The following AFG2A variants were observed in gnomAD, a reference collection of about 807,000 sequenced individuals.
AFG2A encodes the protein AAA ATPase AFG2A.
chr4:122,959,571 T>A, the AFG2A span, among the ~76,000 whole-genome samples: 3 of 152,372 alleles, frequency 2.0e-5, no homozygotes, highest in Admixed American at 6.5e-5. Context: ...TCTGTACTTT[T>A]TAACAAAAGT....
chr4:123,055,981 G>C, the AFG2A span, among the ~76,000 whole-genome samples: 510 of 152,308 alleles, frequency 3.3e-3, 3 homozygotes, highest in Middle Eastern at 0.014. Context: ...TTAAAGTTCA[G>C]AAATATTAAT....
the AFG2A span, among the ~76,000 whole-genome samples, chr4:123,056,132 C>T: frequency 1.3e-5 from 2 of 152,290 alleles, no homozygotes; most frequent in African/African-American, 2.4e-5. Flanking sequence ...GAGTTATAGA[C>T]AGATGATGAA....
the AFG2A span, among the ~76,000 whole-genome samples, chr4:123,051,669 A>T: frequency 9.1e-4 from 62 of 68,352 alleles, no homozygotes; most frequent in African/African-American, 3.3e-3. Flanking sequence ...TTGGCCTGGG[A>T]AAGTCTTTAT....
chr4:123,010,430 A>C, the AFG2A span, among the ~76,000 whole-genome samples: 1 of 152,146 alleles, frequency 6.6e-6, no homozygotes, highest in Non-Finnish European at 1.5e-5. Flanking sequence ...TAAGCTCCAC[A>C]ATGTAGAGAC....
the AFG2A span, among the ~76,000 whole-genome samples, chr4:123,185,258 C>T: frequency 6.6e-6 from 1 of 152,028 alleles, no homozygotes; most frequent in South Asian, 2.1e-4. Flanking sequence ...TATTCTATCT[C>T]ATATGAGGTA....
At chr4:122,936,745 C>T in the AFG2A span, among the ~76,000 whole-genome samples, 1 of 152,060 alleles carries the variant, frequency 6.6e-6, no homozygotes, top group Non-Finnish European at 1.5e-5. Flanking sequence ...TTTGGGAGAC[C>T]GAGGCAGGCA....
the AFG2A span, among the ~76,000 whole-genome samples, chr4:123,236,401 T>TA: frequency 6.6e-6 from 1 of 152,226 alleles, no homozygotes; most frequent in Non-Finnish European, 1.5e-5. Context: ...TCTTGTTTTT[T>TA]AACGCTTGAA....
the AFG2A span, chr4:123,259,976 G>C: frequency 6.6e-6 from 1 of 152,190 alleles, no homozygotes; most frequent in Non-Finnish European, 1.5e-5. Flanking sequence ...ACCAATTTGT[G>C]AGGGAGTCAG....
chr4:122,985,512 G>A, the AFG2A span, among the ~76,000 whole-genome samples: 3 of 152,088 alleles, frequency 2.0e-5, no homozygotes, highest in African/African-American at 7.2e-5. Flanking sequence ...TAAGCTAGGA[G>A]GGTTGTATTT....
chr4:123,252,409 T>A, the AFG2A span, among the ~76,000 whole-genome samples: 1 of 152,218 alleles, frequency 6.6e-6, no homozygotes, highest in Admixed American at 6.5e-5. Flanking sequence ...ACCAAATTCA[T>A]GGCTAAATCA....
At chr4:123,124,473 T>C in the AFG2A span, among the ~76,000 whole-genome samples, 3 of 152,030 alleles carry the variant, frequency 2.0e-5, no homozygotes, top group African/African-American at 7.2e-5. Flanking sequence ...GAACATCACA[T>C]ACCAGGGCCT....
the AFG2A span, among the ~76,000 whole-genome samples, chr4:123,184,528 A>ATTTTT: frequency 8.7e-5 from 7 of 80,890 alleles, no homozygotes; most frequent in African/African-American, 1.8e-4. Context: ...CAGCATGATC[A>ATTTTT]TTTCTTTTTT....
chr4:123,202,607 T>G, the AFG2A span, among the ~76,000 whole-genome samples: 2 of 152,184 alleles, frequency 1.3e-5, no homozygotes, highest in African/African-American at 2.4e-5. Context: ...TAGTACAATA[T>G]TATTAATTAG....
At chr4:123,022,187 G>A in the AFG2A span, among the ~76,000 whole-genome samples, 2 of 151,922 alleles carry the variant, frequency 1.3e-5, no homozygotes, top group Non-Finnish European at 2.9e-5. Context: ...ATTGACAAAT[G>A]GGATCTAATT....
At chr4:123,199,208 ACATAGT>A in the AFG2A span, among the ~76,000 whole-genome samples, 1,739 of 152,342 alleles carry the variant, frequency 0.011, 10 homozygotes, top group African/African-American at 0.014. Context: ...ACAGATATAG[ACATAGT>A]CATAGGCATA....
At chr4:123,060,971 A>G in the AFG2A span, among the ~76,000 whole-genome samples, 1 of 152,178 alleles carries the variant, frequency 6.6e-6, no homozygotes. Flanking sequence ...GGCAGGGACA[A>G]AATGCCACCA....
At chr4:122,945,598 G>A in the AFG2A span, among the ~76,000 whole-genome samples, 1 of 152,098 alleles carries the variant, frequency 6.6e-6, no homozygotes, top group African/African-American at 2.4e-5. Context: ...TGCACTTCCC[G>A]AGTGAGGCAA....
chr4:123,031,192 C>A, the AFG2A span, among the ~76,000 whole-genome samples: 4 of 152,060 alleles, frequency 2.6e-5, no homozygotes, highest in African/African-American at 4.8e-5. Flanking sequence ...TGTTCTATCG[C>A]CCAGGCTGGA....
At chr4:122,938,301 T>C in the AFG2A span, 22 of 1,402,084 alleles carry the variant, frequency 1.6e-5, no homozygotes, top group South Asian at 2.2e-4. Flanking sequence ...TTAATACTTA[T>C]GTGTAGTGGT....
Sources: gnomAD v4.1 joint callset for allele counts (sites outside exome capture counted in the v4.1 genomes callset) on GRCh38, gnomAD v4.1.1 for gene constraint, MANE v1.5 for transcripts, NCBI Gene and HGNC (gene_info 2026-07-23, HGNC 2026-07-21) for gene names.